CALN1: variants seen among roughly 807,000 people sequenced by gnomAD.
The protein encoded by CALN1 is calcium-binding protein 8.
CALN1 carries 17 observed loss-of-function variants against 30.6 expected under a neutral mutation model. The observed-to-expected ratio is 0.56, with a 90% CI of 0.38 to 0.83. CALN1 has a LOEUF of 0.83. CALN1 is among the 40% of genes least tolerant of loss of function. The pLI is 0.00. For missense variants in CALN1, 291 were observed against 354.9 expected, an observed-to-expected ratio of 0.82 and a Z score of 1.45; for synonymous variants, 156 against 131.4, an observed-to-expected ratio of 1.19 and a Z score of -1.28.
intron 3 of CALN1, among the ~76,000 whole-genome samples, chr7:72,114,454 G>A (rs1451029011): frequency 6.6e-6 from 1 of 151,692 alleles, no homozygotes; most frequent in Non-Finnish European, 1.5e-5. Context: ...GCGAGCAGCT[G>A]CAAATACTTG....
the CALN1 span, among the ~76,000 whole-genome samples, chr7:72,497,486 C>T: frequency 6.6e-6 from 1 of 152,126 alleles, no homozygotes; most frequent in Non-Finnish European, 1.5e-5. Flanking sequence ...GTTAAAATCT[C>T]ACCAACTTAA....
chr7:72,486,565 G>C, the CALN1 span, among the ~76,000 whole-genome samples: 1 of 152,066 alleles, frequency 6.6e-6, no homozygotes, highest in Non-Finnish European at 1.5e-5. Context: ...TAGAGACTGA[G>C]TTTCACCATG....
At chr7:72,376,043 A>C (rs1355423067) in intron 2 of CALN1, among the ~76,000 whole-genome samples, 1 of 152,174 alleles carries the variant, frequency 6.6e-6, no homozygotes, top group Non-Finnish European at 1.5e-5. Flanking sequence ...GCCTAGCATA[A>C]TGTTTTTAAG....
intron 5 of CALN1, among the ~76,000 whole-genome samples, chr7:71,924,672 G>A (rs116178453): frequency 6.6e-6 from 1 of 151,416 alleles, no homozygotes; most frequent in Admixed American, 6.6e-5. Context: ...CATGATATCT[G>A]TTTACCTTTG....
chr7:72,363,636 A>G (rs1433642110), intron 2 of CALN1, among the ~76,000 whole-genome samples: 1 of 152,200 alleles, frequency 6.6e-6, no homozygotes, highest in Admixed American at 6.5e-5. Flanking sequence ...GTTGAAAGTG[A>G]AAGTACTGAC....
chr7:72,152,913 G>A (rs1787368400), intron 3 of CALN1, among the ~76,000 whole-genome samples: 1 of 152,294 alleles, frequency 6.6e-6, no homozygotes, highest in South Asian at 2.1e-4. Context: ...TTTGTCCCCA[G>A]ACTGTTCCTT....
At chr7:72,082,098 A>G (rs1386445545) in intron 4 of CALN1, among the ~76,000 whole-genome samples, 1 of 151,636 alleles carries the variant, frequency 6.6e-6, no homozygotes, top group African/African-American at 2.4e-5. Flanking sequence ...GCGATTCTCC[A>G]GCCTCAGCCT....
At chr7:72,165,763 G>A (rs1788479866) in intron 3 of CALN1, among the ~76,000 whole-genome samples, 1 of 151,886 alleles carries the variant, frequency 6.6e-6, no homozygotes, top group Non-Finnish European at 1.5e-5. Flanking sequence ...CCTTGAGGAA[G>A]GTTGAGTGTA....
chr7:72,303,975 T>C (rs999311630), intron 2 of CALN1, among the ~76,000 whole-genome samples: 6 of 152,242 alleles, frequency 3.9e-5, no homozygotes, highest in Non-Finnish European at 1.5e-5. Context: ...ACAAAATCTT[T>C]GGTTTTGAAT....
the CALN1 span, among the ~76,000 whole-genome samples, chr7:72,486,821 C>T: frequency 6.6e-6 from 1 of 152,174 alleles, no homozygotes; most frequent in South Asian, 2.1e-4. Context: ...TAAATACTCA[C>T]TGATTACCTA....
rs1196483094 is a variant in CALN1 at position 71,786,793 on chromosome 7, T to G, written c.*982A>C. 1 of 152,172 alleles carries G rather than the reference T, an allele frequency of 6.6e-6. No homozygotes were observed. Among genetic ancestry groups the G allele is most frequent in the African/African-American group, 2.4e-5 (1 of 41,412 alleles). 9.4% of individuals were successfully genotyped at this position (152,172 alleles called of 1,614,324 possible). A position where few individuals can be genotyped will look rare whatever the true frequency, so the allele number is the denominator to read the frequency against. ...CGTGGTGGGTCTCCATGACTCCAGATGGCTGGGTGTGGGTATCAAAACCTC... is the reference window on the plus strand; with the variant it reads ...CGTGGTGGGTCTCCATGACTCCAGAGGGCTGGGTGTGGGTATCAAAACCTC... On this transcript the variant is annotated 3_prime_UTR_variant, in exon 7 of 7. Coordinates refer to ENST00000395275, the MANE Select transcript of CALN1 (RefSeq NM_031468.4).
chr7:72,425,451 G>A (rs764934999), intron 1 of CALN1, among the ~76,000 whole-genome samples: 3 of 152,168 alleles, frequency 2.0e-5, no homozygotes, highest in Non-Finnish European at 4.4e-5. Context: ...CCATCCCCAT[G>A]TGCCCATGGC....
intron 5 of CALN1, among the ~76,000 whole-genome samples, chr7:71,976,180 G>A (rs141924645): frequency 5.6e-4 from 85 of 152,150 alleles, no homozygotes; most frequent in African/African-American, 2.0e-3. Flanking sequence ...AACTTCAGAG[G>A]ATACACTGAT....
chr7:72,353,229 G>A (rs996016316), intron 2 of CALN1, among the ~76,000 whole-genome samples: 5 of 148,976 alleles, frequency 3.4e-5, no homozygotes, highest in Non-Finnish European at 6.0e-5. Flanking sequence ...CGGGAACACA[G>A]CTCAACTCAT....
intron 5 of CALN1, among the ~76,000 whole-genome samples, chr7:71,812,142 G>C (rs1401833572): frequency 6.6e-6 from 1 of 152,226 alleles, no homozygotes; most frequent in African/African-American, 2.4e-5. Flanking sequence ...CTGGGTCTCA[G>C]AATGAGGATA....
chr7:72,398,432 C>T (rs1806118346), intron 2 of CALN1, among the ~76,000 whole-genome samples: 1 of 152,214 alleles, frequency 6.6e-6, no homozygotes, highest in Non-Finnish European at 1.5e-5. Flanking sequence ...TACGAAAAAA[C>T]ACTTTGTTTG....
At chr7:72,218,370 C>T (rs1793008394) in intron 3 of CALN1, among the ~76,000 whole-genome samples, 1 of 151,994 alleles carries the variant, frequency 6.6e-6, no homozygotes, top group Non-Finnish European at 1.5e-5. Context: ...ATCACTTGAA[C>T]CCAGCAGGAG....
In CALN1 at chr7:71,809,691, GCT is replaced by G. The variant is rs557816720; in HGVS notation, c.658+643_658+644del. Among the ~76,000 whole-genome samples, 1,342 of 151,808 alleles carry G rather than the reference GCT, an allele frequency of 8.8e-3. 10 individuals are homozygous for G. The highest frequency in any genetic ancestry group is 0.014 in the Middle Eastern group (4 of 292). ...CTCTACTGATTAGGAGATTCAGTAG[GCT>G]CTCTTTTTTCTTTAAATTTGCTTTC... On this transcript the variant is annotated intron_variant, in intron 6 of 6. Coordinates refer to ENST00000395275, the MANE Select transcript of CALN1 (RefSeq NM_031468.4).
At chr7:72,127,869 A>C (rs77494044) in intron 3 of CALN1, among the ~76,000 whole-genome samples, 1 of 152,300 alleles carries the variant, frequency 6.6e-6, no homozygotes, top group East Asian at 1.9e-4. Context: ...TAACTAGAGA[A>C]ATTTAATTAT....
Sources: allele counts gnomAD v4.1 joint callset (sites outside exome capture counted in the v4.1 genomes callset), GRCh38; gene constraint gnomAD v4.1.1; transcripts MANE v1.5; gene names NCBI Gene and HGNC (gene_info 2026-07-23, HGNC 2026-07-21).